The following ZNF467 variants were observed in gnomAD, a reference collection of about 807,000 sequenced individuals.
The protein encoded by ZNF467 is zinc finger protein EZI.
Under a neutral mutation model 47.8 loss-of-function variants are expected in ZNF467, and 51 were observed. The observed-to-expected ratio is 1.07, with a 90% CI of 0.85 to 1.35. The LOEUF is 1.35. ZNF467 is among the 40% of genes most tolerant of loss of function. The probability of loss-of-function intolerance (pLI) is 0.00; values close to 1 mark genes in which losing one functional copy is unlikely to be tolerated. For synonymous variants in ZNF467, 416 were observed against 372.9 expected, an observed-to-expected ratio of 1.12 and a Z score of -1.33; for missense variants, 992 against 858.1, an observed-to-expected ratio of 1.16 and a Z score of -1.95.
rs1799115586 is a variant in ZNF467, at chr7:149,764,939, G to A, written c.1563C>T (p.Ala521=). The A allele has an allele frequency of 6.3e-7, 1 of 1,578,002 alleles. No homozygotes were observed. Among genetic ancestry groups the A allele is most frequent in the Non-Finnish European group, 8.6e-7 (1 of 1,168,810 alleles). ...GSRPHACAVC[A]RSFSSKTNLV... ...GGTTGGTTTTGGAGCTGAAGCTGCG[G>A]GCGCAGACGGCGCAGGCGTGGGGGC... Residue 521 remains alanine, a synonymous_variant, in exon 5 of 5, where the codon GCC becomes GCT. Transcript: ENST00000302017.
Position 149,765,109 on chromosome 7 carries a change from C to T in ZNF467, c.1393G>A (p.Asp465Asn). The T allele has an allele frequency of 6.8e-7, 1 of 1,470,946 alleles. No homozygotes were observed. The highest frequency in any genetic ancestry group is 9.0e-7 in the Non-Finnish European group (1 of 1,115,112). The allele number at this position is 1,470,946 out of a possible 1,614,324, so 91.1% of individuals were successfully genotyped here. ...GERPFACTQC[D>N]RRFGSRPNLV... ...TTAGGCCGCGAGCCGAAGCGGCGGT[C>T]ACACTGCGTGCAGGCGAAGGGCCGT... Residue 465 changes from aspartate to asparagine, a missense_variant, in exon 5 of 5, where the codon GAC becomes AAC. Transcript: ENST00000302017.
intron 4 of ZNF467, among the ~76,000 whole-genome samples, chr7:149,766,822 T>C (rs1173751309): frequency 6.6e-6 from 1 of 152,190 alleles, no homozygotes; most frequent in Non-Finnish European, 1.5e-5. Context: ...CCAGCCCACC[T>C]TACCTCTAGT....
In ZNF467 at chr7:149,764,852, C is replaced by A; in HGVS notation, c.1650G>T (p.Lys550Asn). ...SRPFSCPQCG[K>N]SFSRKTHLVR... Reference sequence around the variant, plus strand: ...CCAGGTGGGTCTTGCGGCTGAAGCTCTTTCCGCACTGCGGGCAGGAGAAGG... The same window carrying A: ...CCAGGTGGGTCTTGCGGCTGAAGCTATTTCCGCACTGCGGGCAGGAGAAGG... The change falls in exon 5 of 5, where the codon AAG (lysine) becomes AAT (asparagine). Residue 550 changes from lysine to asparagine, a missense_variant. Lys to Asn is a moderately conservative substitution (Grantham distance 94). Coordinates refer to ENST00000302017, the MANE Select transcript of ZNF467 (RefSeq NM_207336.3). 1 of 1,551,302 alleles carries A rather than the reference C, an allele frequency of 6.4e-7. No homozygotes were observed. Among genetic ancestry groups the A allele is most frequent in the Non-Finnish European group, 8.7e-7 (1 of 1,149,582 alleles).
In ZNF467 at chr7:149,769,582, G is replaced by A. The variant is rs1211310118; in HGVS notation, c.152-382C>T. On this transcript the variant is annotated intron_variant, in intron 3 of 4. Transcript: ENST00000302017. This position sits in a 1 kb window ranked among gnomAD's most constrained non-coding sequence, Gnocchi z 5.3. ...CTGGTTCCAAGCAAATCACTGGGGA[G>A]AATCAGGATGTCAAAAGCCAGGCAC... 6.6e-6 allele frequency among the ~76,000 whole-genome samples: 1 copy of A among 152,228 alleles called. No homozygotes were observed.
rs1799439579 is a variant in ZNF467 at position 149,772,153 on chromosome 7, C to T, written c.-43+955G>A. Among the ~76,000 whole-genome samples, 2 of 113,678 alleles carry T rather than the reference C, an allele frequency of 1.8e-5. 1 individual carries two copies. Among genetic ancestry groups the T allele is most frequent in the Admixed American group, 1.7e-4 (2 of 12,042 alleles). 74.6% of individuals were successfully genotyped at this position (113,678 alleles called of 152,430 possible). A position where few individuals can be genotyped will look rare whatever the true frequency, so the allele number is the denominator to read the frequency against. ...AGTTCTCCTCTCCCCTCCCTCCTCT[C>T]CTCCCCCACCCCGGTTTCCCTTCCT... On this transcript the variant is annotated intron_variant, in intron 1 of 4. Coordinates refer to ENST00000302017, the MANE Select transcript of ZNF467 (RefSeq NM_207336.3).
At position 149,765,865 on chromosome 7, in the gene ZNF467, C is replaced by T. The variant is rs1799191303; in HGVS notation, c.637G>A (p.Glu213Lys). Residue 213 changes from glutamate to lysine, a missense_variant, in exon 5 of 5, where the codon GAG becomes AAG. By Grantham distance (56) the Glu-to-Lys change is moderately conservative (BLOSUM62 1). Transcript: ENST00000302017. Reference sequence around the variant, plus strand: ...CACTCGGAGCACGGGAAAGGCCGCTCGCCGCGGTGGCTGCGCTGATGCAGT... The same window carrying T: ...CACTCGGAGCACGGGAAAGGCCGCTTGCCGCGGTGGCTGCGCTGATGCAGT... The part of the protein sequence containing the change: ...MLLHQRSHRG[E>K]RPFPCSECDK... 3 of 1,601,102 alleles carry T rather than the reference C, an allele frequency of 1.9e-6. No individual in the cohort carries two copies. The highest frequency in any genetic ancestry group is 2.2e-5 in the South Asian group (2 of 89,668).
In ZNF467 at chr7:149,765,389, G is replaced by A. The variant is rs778954399; in HGVS notation, c.1113C>T (p.Ala371=). Residue 371 remains alanine (A), a synonymous_variant, in exon 5 of 5, where the codon GCC becomes GCT. Coordinates refer to ENST00000302017, the MANE Select transcript of ZNF467 (RefSeq NM_207336.3). ...GLSFGWKKNL[A]THQCLHRSEG... Reference sequence around the variant, plus strand: ...CGCTGCGGTGCAGACACTGGTGCGTGGCGAGGTTCTTTTTCCAGCCGAAGC... The same window carrying A: ...CGCTGCGGTGCAGACACTGGTGCGTAGCGAGGTTCTTTTTCCAGCCGAAGC... 1.9e-6 allele frequency: 3 copies of A among 1,567,986 alleles called. No homozygotes were observed. The Admixed American group carries it at 5.7e-5, about 30-fold the overall frequency.
At chr7:149,776,430 C>G (rs111404189), upstream of ZNF467, 1 of 1,355,696 alleles carries the variant, frequency 7.4e-7, no homozygotes, top group Admixed American at 2.0e-5. Context: ...GTGCCAGCCT[C>G]GACCATTACA....
Position 149,764,760 on chromosome 7 carries a change from G to A in ZNF467, c.1742C>T (p.Ala581Val), listed in dbSNP as rs1585938669. ...CGCCACCTCGGGGGGAGCGGACCAG[G>A]CTGGGGCCGCAAGGGCGGCGTCCGG... The part of the protein sequence containing the change: ...AAPDAALAAP[A>V]WSAPPEVAPP... Residue 581 changes from alanine (A) to valine (V), a missense_variant, in exon 5 of 5, where the codon GCC becomes GTC. Coordinates refer to ENST00000302017, the MANE Select transcript of ZNF467 (RefSeq NM_207336.3). 6.5e-7 allele frequency: 1 copy of A among 1,530,452 alleles called. No homozygotes were observed. The highest frequency in any genetic ancestry group is 8.8e-7 in the Non-Finnish European group (1 of 1,138,304). The allele number at this position is 1,530,452 out of a possible 1,614,324, so 94.8% of individuals were successfully genotyped here. A position where few individuals can be genotyped will look rare whatever the true frequency, so the allele number is the denominator to read the frequency against.
In ZNF467 at chr7:149,765,036, C is replaced by G; in HGVS notation, c.1466G>C (p.Cys489Ser). 6.5e-7 allele frequency: 1 copy of G among 1,546,806 alleles called. No homozygotes were observed. The highest frequency in any genetic ancestry group is 1.2e-5 in the South Asian group (1 of 86,264). ...GCTGAAGCGGCGGCCGCACTGAGCG[C>G]AGGCGAAAGGCCTGGCGCCGCTGTG... ...RAHSGARPFA[C>S]AQCGRRFSRK... Residue 489 changes from cysteine (C) to serine (S), a missense_variant, in exon 5 of 5, where the codon TGC becomes TCC. By Grantham distance (112) the Cys-to-Ser change is moderately radical. Coordinates refer to ENST00000302017, the MANE Select transcript of ZNF467 (RefSeq NM_207336.3).
At chr7:149,770,597 T>G in intron 2 of ZNF467, 41 bp from the exon 3 acceptor site, 1 of 1,535,532 alleles carries the variant, frequency 6.5e-7, no homozygotes, top group Non-Finnish European at 8.9e-7. Flanking sequence ...AAGCATCCAG[T>G]ACAGAACAAG....
rs1164635581 is a variant in ZNF467 at position 149,770,932 on chromosome 7, C to A, written c.34+67G>T. The A allele has an allele frequency of 1.4e-5, 22 of 1,608,552 alleles. No homozygotes were observed. The East Asian group carries it at 4.9e-4, about 36-fold the overall frequency. Reference sequence around the variant, plus strand: ...AGCCTCCTGAGGGTGGCTCTGCTGTCTGAGTTGTAGATGCCCCTGAATCCT... The same window carrying A: ...AGCCTCCTGAGGGTGGCTCTGCTGTATGAGTTGTAGATGCCCCTGAATCCT... On this transcript the variant is annotated intron_variant, in intron 2 of 4. Transcript: ENST00000302017.
In ZNF467 at chr7:149,765,527, G is replaced by A. The variant is rs779248137; in HGVS notation, c.975C>T (p.Ala325=). The change falls in exon 5 of 5, where the codon GCC becomes GCT. Residue 325 remains alanine (A), a synonymous_variant. Transcript: ENST00000302017. The stretch of plus-strand genomic sequence containing the variant: ...AGTCGGGAGAGGGCCTGGCCGGGCC[G>A]GCCGTCTGGTGCACCCTTTGGTGCC... ...LVRHQRVHQT[A]GPARPSPDSS... is the part of the protein sequence containing the mutation. The A allele has an allele frequency of 1.9e-6, 3 of 1,578,738 alleles. No homozygotes were observed. Among genetic ancestry groups the A allele is most frequent in the Non-Finnish European group, 1.7e-6 (2 of 1,162,596 alleles).
rs1799493310 is a variant in ZNF467 at position 149,773,502 on chromosome 7, G to C, written c.-437C>G. 1 of 138,608 alleles carries C rather than the reference G, an allele frequency of 7.2e-6. No homozygotes were observed. The highest frequency in any genetic ancestry group is 1.6e-5 in the Non-Finnish European group (1 of 63,150). The allele number at this position is 138,608 out of a possible 1,614,324, so 8.6% of individuals were successfully genotyped here. A position where few individuals can be genotyped will look rare whatever the true frequency, so the allele number is the denominator to read the frequency against. On this transcript the variant is annotated 5_prime_UTR_variant, in exon 1 of 5. Coordinates refer to ENST00000302017, the MANE Select transcript of ZNF467 (RefSeq NM_207336.3). ...CTCAGGACGGGGGAGGGGAGGGGAG[G>C]GGAGGGGAGGGTGATGGGAGAGGGG...
chr7:149,770,633 T>C, intron 2 of ZNF467, 77 bp from the exon 3 acceptor site: 1 of 1,280,580 alleles, frequency 7.8e-7, no homozygotes, highest in African/African-American at 1.5e-5. Context: ...GCTGTTCCCC[T>C]TCCCAGCCTG....
chr7:149,770,804 A>G (rs888506513), intron 2 of ZNF467, among the ~76,000 whole-genome samples, 195 bp downstream of exon 2: 3 of 152,222 alleles, frequency 2.0e-5, no homozygotes, highest in African/African-American at 7.2e-5. Context: ...GCTCAAGTGC[A>G]CATATGGTCT....
rs1013828722 is a variant in ZNF467, at chr7:149,764,613, C to T, written c.*101G>A. The T allele has an allele frequency of 6.5e-6, 10 of 1,547,700 alleles. No individual in the cohort carries two copies. In the African/African-American group the frequency reaches 1.4e-4, roughly 21 times the overall value. On this transcript the variant is annotated 3_prime_UTR_variant, in exon 5 of 5. Coordinates refer to ENST00000302017, the MANE Select transcript of ZNF467 (RefSeq NM_207336.3). ...AAACAGGTGTCCCGCGGCGGCCAAACCTTCGGGCAGCAGCCCAGGTCGCCT... is the reference window on the plus strand; with the variant it reads ...AAACAGGTGTCCCGCGGCGGCCAAATCTTCGGGCAGCAGCCCAGGTCGCCT...
rs561203387 is a variant in ZNF467 at position 149,769,767 on chromosome 7, C to T, written c.152-567G>A. On this transcript the variant is annotated intron_variant, in intron 3 of 4. Transcript: ENST00000302017. The surrounding 1 kb of genome is among the most constrained non-coding windows in gnomAD (Gnocchi z 5.3). ...GCAGTGGCACGATCATACCTCACTG[C>T]AGCCTGGGCTTCAAGGGATCCTCCT... is the stretch of plus-strand genomic sequence containing the variant. Among the ~76,000 whole-genome samples the T allele has an allele frequency of 5.9e-5, 9 of 152,344 alleles. No homozygotes were observed. Among genetic ancestry groups the T allele is most frequent in the African/African-American group, 2.2e-4 (9 of 41,568 alleles).
chr7:149,764,314 A>ATC lies in ZNF467; in HGVS notation c.*399_*400insGA. Reference sequence around the variant, plus strand: ...TGTGGATGGAGGTGGGACAGTGGCTAAGGAGAGTCAGGTGTTCCCTCCCCC... The same window carrying ATC: ...TGTGGATGGAGGTGGGACAGTGGCTATCAGGAGAGTCAGGTGTTCCCTCCCCC... On this transcript the variant is annotated 3_prime_UTR_variant, in exon 5 of 5. Coordinates refer to ENST00000302017, the MANE Select transcript of ZNF467 (RefSeq NM_207336.3). The ATC allele has an allele frequency of 3.1e-5, 16 of 520,492 alleles. No homozygotes were observed. The highest frequency in any genetic ancestry group is 1.1e-4 in the Admixed American group (3 of 27,068). The allele number at this position is 520,492 out of a possible 1,614,324, so 32.2% of individuals were successfully genotyped here. A position where few individuals can be genotyped will look rare whatever the true frequency, so the allele number is the denominator to read the frequency against.
Sources: allele counts gnomAD v4.1 joint callset (sites outside exome capture counted in the v4.1 genomes callset), GRCh38; gene constraint gnomAD v4.1.1; non-coding constraint Gnocchi (gnomAD v3.1); transcripts MANE v1.5; gene names NCBI Gene and HGNC (gene_info 2026-07-23, HGNC 2026-07-21).